Variants in MYRFL observed in about 807,000 individuals in gnomAD.
The protein encoded by MYRFL is myelin regulatory factor-like protein.
MYRFL carries 88 observed loss-of-function variants against 109.4 expected under a neutral mutation model. The ratio of observed to expected loss-of-function variants is 0.80; its 90% confidence interval spans 0.68 to 0.96. MYRFL has a LOEUF of 0.96. MYRFL is among the 40% of genes least tolerant of loss of function. The probability of loss-of-function intolerance (pLI) is 0.00; values close to 1 mark genes in which losing one functional copy is unlikely to be tolerated. For synonymous variants in MYRFL, 324 were observed against 320.9 expected (o/e 1.01, Z -0.10); for missense variants, 957 against 954.9 (o/e 1.00, Z -0.03).
chr12:69,923,971 C>T lies in MYRFL; in HGVS notation c.1603-2600C>T, dbSNP rs974619520. ...CTGGGATACCAAGGAGGGTGGATCA[C>T]GAGGTCAGGAGATCAAGACCATCCT... On this transcript the variant is annotated intron_variant, in intron 13 of 24. Coordinates refer to ENST00000552032, the MANE Select transcript of MYRFL (RefSeq NM_182530.3). 5.9e-5 allele frequency among the ~76,000 whole-genome samples: 9 copies of T among 152,120 alleles called. No individual in the cohort carries two copies. The East Asian group carries it at 1.4e-3, about 23-fold the overall frequency.
At chr12:69,827,028 T>C (rs909927225) in intron 1 of MYRFL, among the ~76,000 whole-genome samples, 2 of 152,130 alleles carry the variant, frequency 1.3e-5, no homozygotes, top group African/African-American at 4.8e-5. Context: ...TCCAGTGCTC[T>C]ACCTCTGAGC....
At chr12:69,880,499 C>T (rs1240288) in intron 5 of MYRFL, among the ~76,000 whole-genome samples, 61,759 of 151,944 alleles carry the variant, frequency 0.41, 12,912 homozygotes, top group East Asian at 0.67. Flanking sequence ...GATGATGTTT[C>T]CCGTCTCAGG....
chr12:69,899,781 T>C (rs181448980), intron 10 of MYRFL, among the ~76,000 whole-genome samples: 114 of 152,292 alleles, frequency 7.5e-4, no homozygotes, highest in Admixed American at 5.7e-3. Context: ...CAGGACCCAG[T>C]AATTATTCAT....
chr12:69,916,930 A>G (rs553117900), intron 13 of MYRFL, among the ~76,000 whole-genome samples: 1 of 152,250 alleles, frequency 6.6e-6, no homozygotes, highest in East Asian at 1.9e-4. Context: ...GAAAACTCCT[A>G]CATATTCCTT....
At chr12:69,932,883 T>TGTGTGTGTGTGTTTG (rs1555257501) in intron 16 of MYRFL, among the ~76,000 whole-genome samples, 2 of 52,610 alleles carry the variant, frequency 3.8e-5, no homozygotes, top group Non-Finnish European at 9.9e-5. Flanking sequence ...GTGTGTGTGT[T>TGTGTGTGTGTGTTTG]TGTGTGTGTG....
At chr12:69,888,081 G>C (rs974004217) in intron 6 of MYRFL, among the ~76,000 whole-genome samples, 1 of 152,148 alleles carries the variant, frequency 6.6e-6, no homozygotes, top group Non-Finnish European at 1.5e-5. Flanking sequence ...AAGTTTTCAA[G>C]GTAAGTGTTA....
chr12:69,930,385 C>T (rs1955231098), intron 15 of MYRFL, among the ~76,000 whole-genome samples: 1 of 152,088 alleles, frequency 6.6e-6, no homozygotes, highest in Non-Finnish European at 1.5e-5. Context: ...AGTAGGGTTC[C>T]TCTTTTTTCC....
intron 21 of MYRFL, among the ~76,000 whole-genome samples, chr12:69,954,696 G>T (rs931181428): frequency 5.9e-5 from 9 of 152,078 alleles, no homozygotes; most frequent in African/African-American, 1.7e-4. Flanking sequence ...TTCAAGGGAT[G>T]GTCAGGTAAT....
chr12:69,864,528 C>T (rs1259736485), intron 2 of MYRFL, among the ~76,000 whole-genome samples: 1 of 151,970 alleles, frequency 6.6e-6, no homozygotes, highest in East Asian at 1.9e-4. Flanking sequence ...GTGGAGAAAC[C>T]TGTATGCAGA....
At position 69,903,572 on chromosome 12, in the gene MYRFL, T is replaced by C. The variant is rs1445515000; in HGVS notation, c.1183-72T>C. 2.1e-6 allele frequency: 3 copies of C among 1,437,674 alleles called. No homozygotes were observed. In the African/African-American group the frequency reaches 4.2e-5, roughly 20 times the overall value. The allele number at this position is 1,437,674 out of a possible 1,614,324, so 89.1% of individuals were successfully genotyped here. A position where few individuals can be genotyped will look rare whatever the true frequency, so the allele number is the denominator to read the frequency against. ...TAGATAATATTCAGTTTGCCTTTGC[T>C]CTGAACACTAATGTGATCATCTATT... On this transcript the variant is annotated intron_variant, in intron 10 of 24. Coordinates refer to ENST00000552032, the MANE Select transcript of MYRFL (RefSeq NM_182530.3).
chr12:69,945,287 T>G (rs1226384538), intron 19 of MYRFL, among the ~76,000 whole-genome samples: 2 of 150,920 alleles, frequency 1.3e-5, no homozygotes, highest in Admixed American at 1.3e-4. Flanking sequence ...ACTCACTGAT[T>G]GACTCAGAGC....
chr12:69,864,308 C>T (rs1884876845), intron 2 of MYRFL, among the ~76,000 whole-genome samples: 1 of 152,050 alleles, frequency 6.6e-6, no homozygotes, highest in Non-Finnish European at 1.5e-5. Flanking sequence ...ATATTTTGCA[C>T]AGGTCACTGA....
At chr12:69,954,914 G>C (rs1956060399) in intron 21 of MYRFL, among the ~76,000 whole-genome samples, 1 of 152,162 alleles carries the variant, frequency 6.6e-6, no homozygotes, top group African/African-American at 2.4e-5. Flanking sequence ...AAAAGTACCT[G>C]ATATTTCCTC....
chr12:69,935,945 T>G, intron 16 of MYRFL, 168 bp from the exon 17 acceptor site: 1 of 726,116 alleles, frequency 1.4e-6, no homozygotes, highest in Non-Finnish European at 2.2e-6. Context: ...AGCATAACTG[T>G]GCTGGTTTCC....
At chr12:69,941,949 T>C (rs1382993593) in intron 19 of MYRFL, among the ~76,000 whole-genome samples, 1 of 151,102 alleles carries the variant, frequency 6.6e-6, no homozygotes, top group East Asian at 1.9e-4. Flanking sequence ...AATGGATAAA[T>C]TCCTGGACAC....
At chr12:69,901,000 T>C (rs934188207) in intron 10 of MYRFL, among the ~76,000 whole-genome samples, 1 of 152,194 alleles carries the variant, frequency 6.6e-6, no homozygotes, top group Admixed American at 6.5e-5. Context: ...CACACATGAT[T>C]TCACTTAATC....
chr12:69,926,918 T>C (rs1424472497), intron 14 of MYRFL, among the ~76,000 whole-genome samples, 184 bp downstream of exon 14: 1 of 12,098 alleles, frequency 8.3e-5, no homozygotes, highest in Non-Finnish European at 1.2e-4. Context: ...CTTTCTTAGT[T>C]TTTTTCTGTT....
At chr12:69,837,854 C>T (rs1229561088) in intron 1 of MYRFL, among the ~76,000 whole-genome samples, 1 of 152,160 alleles carries the variant, frequency 6.6e-6, no homozygotes, top group Admixed American at 6.5e-5. Flanking sequence ...GTAATGAATG[C>T]CTTTTTTCCG....
chr12:69,864,083 A>G (rs772727398), intron 2 of MYRFL, among the ~76,000 whole-genome samples: 2 of 152,064 alleles, frequency 1.3e-5, no homozygotes, highest in African/African-American at 2.4e-5. Context: ...TATTTTCTTT[A>G]TCTTTGGTAT....
Sources: allele counts gnomAD v4.1 joint callset (sites outside exome capture counted in the v4.1 genomes callset), GRCh38; gene constraint gnomAD v4.1.1; transcripts MANE v1.5; gene names NCBI Gene and HGNC (gene_info 2026-07-23, HGNC 2026-07-21).